Variants in TMLHE observed in about 807,000 individuals in gnomAD.
TMLHE encodes trimethyllysine dioxygenase, mitochondrial.
TMLHE carries 18 observed loss-of-function variants against 25.7 expected under a neutral mutation model. That is an observed-to-expected ratio of 0.70 (90% CI 0.48 to 1.04). The LOEUF is 1.04. Ranked by LOEUF, TMLHE falls within the 50% of genes least tolerant of loss-of-function variation. The probability of loss-of-function intolerance (pLI) is 0.00; values close to 1 mark genes in which losing one functional copy is unlikely to be tolerated. For missense variants in TMLHE, 236 were observed against 259.0 expected (o/e 0.91, Z 0.61); for synonymous variants, 105 against 97.0 (o/e 1.08, Z -0.49).
chrX:155,591,377 T>C (rs1176778872), intron 1 of TMLHE, among the ~76,000 whole-genome samples: 1 of 111,794 alleles, frequency 8.9e-6, no homozygotes, highest in Non-Finnish European at 1.9e-5. Flanking sequence ...AAAACGCACA[T>C]TCTTTTAAGC....
chrX:155,589,219 G>A (rs1266752034), intron 1 of TMLHE, among the ~76,000 whole-genome samples: 1 of 111,675 alleles, frequency 9.0e-6, no homozygotes, highest in Non-Finnish European at 1.9e-5. Flanking sequence ...AGGCCGAGGA[G>A]GGGAGATCAC....
chrX:155,592,628 A>G (rs782405292), intron 1 of TMLHE, among the ~76,000 whole-genome samples: 1 of 111,982 alleles, frequency 8.9e-6, no homozygotes, highest in Non-Finnish European at 1.9e-5. Flanking sequence ...GATGCTCCCC[A>G]GGAAGCCCAC....
chrX:155,576,766 C>T (rs188294671), intron 1 of TMLHE, among the ~76,000 whole-genome samples: 1 of 111,597 alleles, frequency 9.0e-6, no homozygotes, highest in Non-Finnish European at 1.9e-5. Flanking sequence ...GAAAGGATTC[C>T]CTATTCAATA....
chrX:155,584,624 G>A (rs1297331942), intron 1 of TMLHE, among the ~76,000 whole-genome samples: 1 of 111,174 alleles, frequency 9.0e-6, no homozygotes, highest in Non-Finnish European at 1.9e-5. Flanking sequence ...AGAGAAAAAT[G>A]TCTAGCCACC....
chrX:155,532,668 CGTGTGT>C (rs33944459), intron 2 of TMLHE, among the ~76,000 whole-genome samples: 1,009 of 86,075 alleles, frequency 0.012, 9 homozygotes, highest in African/African-American at 0.04. Context: ...ATGCAAAATT[CGTGTGT>C]GTGTGTGTGT....
At chrX:155,549,625 G>A (rs2067398616) in intron 1 of TMLHE, among the ~76,000 whole-genome samples, 2 of 110,002 alleles carry the variant, frequency 1.8e-5, no homozygotes, top group South Asian at 3.8e-4. Flanking sequence ...TCAATATGCT[G>A]AAATTTTGTT....
intron 2 of TMLHE, among the ~76,000 whole-genome samples, chrX:155,543,406 A>G (rs2067324580): frequency 8.9e-6 from 1 of 111,882 alleles, no homozygotes; most frequent in African/African-American, 3.2e-5. Flanking sequence ...ACTGAAAAAG[A>G]AATCAAGAAA....
intron 1 of TMLHE, among the ~76,000 whole-genome samples, chrX:155,548,555 G>GT (rs1306131942): frequency 1.8e-5 from 2 of 108,549 alleles, no homozygotes; most frequent in African/African-American, 6.9e-5. Flanking sequence ...CTAACATGGT[G>GT]AAACCCTGTC....
intron 1 of TMLHE, among the ~76,000 whole-genome samples, chrX:155,610,391 G>A (rs1384109929): frequency 1.8e-5 from 2 of 112,102 alleles, no homozygotes; most frequent in Non-Finnish European, 3.8e-5. Context: ...TGATGCAAAT[G>A]TTTTAAAATT....
At chrX:155,577,150 A>T (rs1557343869) in intron 1 of TMLHE, among the ~76,000 whole-genome samples, 1 of 112,570 alleles carries the variant, frequency 8.9e-6, no homozygotes, top group Non-Finnish European at 1.9e-5. Flanking sequence ...AGGCACTTAA[A>T]TTAACAAGCA....
intron 1 of TMLHE, among the ~76,000 whole-genome samples, chrX:155,592,752 G>GTGA (rs782390980): frequency 2.8e-4 from 31 of 112,407 alleles, no homozygotes; most frequent in African/African-American, 9.7e-4. Flanking sequence ...GTGAATCTTG[G>GTGA]TGATAGCTCT....
intron 2 of TMLHE, among the ~76,000 whole-genome samples, chrX:155,534,014 T>C (rs1045765358): frequency 8.9e-6 from 1 of 111,796 alleles, no homozygotes. Flanking sequence ...CTGATCCACA[T>C]TTGATAAGGA....
At chrX:155,606,449 CAAG>C (rs782099879) in intron 1 of TMLHE, among the ~76,000 whole-genome samples, 52 of 111,467 alleles carry the variant, frequency 4.7e-4, no homozygotes, top group Middle Eastern at 4.6e-3. Context: ...AAATCTATAC[CAAG>C]AAGATTGGTC....
Position 155,570,583 on chromosome X carries a change from G to C in TMLHE, c.-1-25306C>G, listed in dbSNP as rs1341187767. 1.4e-4 allele frequency among the ~76,000 whole-genome samples: 8 copies of C among 56,563 alleles called. 3 individuals carry two copies. Among genetic ancestry groups the C allele is most frequent in the Admixed American group, 4.1e-4 (2 of 4,829 alleles). The allele number at this position is 56,563 out of a possible 115,157, so 49.1% of individuals were successfully genotyped here. ...TATTCCAAAATTGACCACATAGTTG[G>C]AAGTAAAGCTCTCCTCAGCAAATGT... On this transcript the variant is annotated intron_variant, in intron 1 of 7. Transcript: ENST00000334398.
intron 1 of TMLHE, 88 bp downstream of exon 1, chrX:155,612,704 G>A (rs1557348479): frequency 8.9e-6 from 1 of 112,658 alleles, no homozygotes; most frequent in Non-Finnish European, 1.9e-5. Context: ...GCCGCCCACT[G>A]CGACAGGCCT....
intron 1 of TMLHE, among the ~76,000 whole-genome samples, chrX:155,606,060 T>C (rs1202137448): frequency 8.9e-6 from 1 of 112,109 alleles, no homozygotes; most frequent in Non-Finnish European, 1.9e-5. Context: ...ATCCTAAATA[T>C]ATATGCACCC....
intron 1 of TMLHE, among the ~76,000 whole-genome samples, chrX:155,547,652 C>G (rs2067360679): frequency 9.2e-6 from 1 of 108,390 alleles, no homozygotes; most frequent in Non-Finnish European, 1.9e-5. Flanking sequence ...TGGAGCTCCA[C>G]ATGACTAGTG....
intron 1 of TMLHE, among the ~76,000 whole-genome samples, chrX:155,605,519 G>T (rs2067781858): frequency 8.9e-6 from 1 of 111,888 alleles, no homozygotes; most frequent in South Asian, 3.7e-4. Context: ...GGAGAAATAA[G>T]ATCTTTTTTT....
At chrX:155,568,806 A>C (rs2067525946) in intron 1 of TMLHE, among the ~76,000 whole-genome samples, 1 of 61,286 alleles carries the variant, frequency 1.6e-5, no homozygotes, top group Non-Finnish European at 4.5e-5. Context: ...AACAAACAGA[A>C]AGGATATCCA....
Sources: allele counts gnomAD v4.1 joint callset (sites outside exome capture counted in the v4.1 genomes callset), GRCh38; gene constraint gnomAD v4.1.1; transcripts MANE v1.5; gene names NCBI Gene and HGNC (gene_info 2026-07-23, HGNC 2026-07-21).